Variants in GFM1 observed in about 807,000 individuals in gnomAD.
The protein encoded by GFM1 is elongation factor G, mitochondrial.
In GFM1, 62 loss-of-function variants were observed where a neutral mutation model predicts 96.2. That is an observed-to-expected ratio of 0.64 (90% confidence interval 0.53 to 0.80). The LOEUF is 0.80. Among genes scored for constraint, GFM1 ranks in the 30% least tolerant of loss-of-function variants. The probability of loss-of-function intolerance (pLI) is 0.00; values close to 1 mark genes in which losing one functional copy is unlikely to be tolerated. For missense variants in GFM1, 852 were observed against 916.6 expected (o/e 0.93, Z 0.91); for synonymous variants, 282 against 312.9 (o/e 0.90, Z 1.04).
At chr3:158,644,903 T>G in intron 1 of GFM1, 188 bp downstream of exon 1, 1 of 624,552 alleles carries the variant, frequency 1.6e-6, no homozygotes, top group South Asian at 1.9e-5. Flanking sequence ...TGTTTCGCTC[T>G]CTGGTATCCC....
intron 11 of GFM1, among the ~76,000 whole-genome samples, chr3:158,664,390 T>TA (rs1723444782): frequency 6.6e-6 from 1 of 152,238 alleles, no homozygotes; most frequent in Non-Finnish European, 1.5e-5. Context: ...CTCTCCTTCT[T>TA]ACTCAGGTTA....
rs1391874523 is a variant in GFM1, at chr3:158,646,254, C to T, written c.324C>T (p.Tyr108=). The change falls in exon 3 of 18, where the codon TAC becomes TAT. Residue 108 remains tyrosine (Y), a synonymous_variant. Coordinates refer to ENST00000486715, the MANE Select transcript of GFM1 (RefSeq NM_024996.7). ...TCACTATTCAGTCAGCAGCCACTTA[C>T]ACCATGTGGAAAGATGTCAATATTA... is the stretch of plus-strand genomic sequence containing the variant. The part of the protein sequence containing the change: ...RGITIQSAAT[Y]TMWKDVNINI... 1 of 1,613,838 alleles carries T rather than the reference C, an allele frequency of 6.2e-7. No homozygotes were observed. The highest frequency in any genetic ancestry group is 8.5e-7 in the Non-Finnish European group (1 of 1,179,694).
intron 13 of GFM1, among the ~76,000 whole-genome samples, chr3:158,678,049 A>G (rs1725050717): frequency 6.6e-6 from 1 of 152,342 alleles, no homozygotes; most frequent in South Asian, 2.1e-4. Flanking sequence ...TGCAAATGGA[A>G]TAACAAAGCC....
chr3:158,672,913 T>C (rs1413456133), intron 13 of GFM1, among the ~76,000 whole-genome samples: 1 of 152,142 alleles, frequency 6.6e-6, no homozygotes, highest in African/African-American at 2.4e-5. Flanking sequence ...AAGACTCTAG[T>C]TTCCTGTCCA....
rs114570823 is a variant in GFM1 at position 158,694,594 on chromosome 3, C to T, written c.*3127C>T. Among the ~76,000 whole-genome samples, 862 of 152,286 alleles carry T rather than the reference C, an allele frequency of 5.7e-3. 14 individuals carry two copies. Among genetic ancestry groups the T allele is most frequent in the African/African-American group, 0.02 (828 of 41,562 alleles). On this transcript the variant is annotated 3_prime_UTR_variant, in exon 18 of 18. Coordinates refer to ENST00000486715, the MANE Select transcript of GFM1 (RefSeq NM_024996.7). ...CCCTGAACTTAAAGAGATGGGGTCT[C>T]GCTGTGTTTCCCAGGCTGCTCACAA...
Position 158,645,693 on chromosome 3 carries a change from T to C in GFM1, c.146T>C (p.Ile49Thr). 1.2e-6 allele frequency: 2 copies of C among 1,611,636 alleles called. No individual in the cohort carries two copies. Among genetic ancestry groups the C allele is most frequent in the Middle Eastern group, 1.7e-4 (1 of 6,058 alleles). The change falls in exon 2 of 18, where the codon ATT becomes ACT. Residue 49 changes from isoleucine to threonine, a missense_variant. Transcript: ENST00000486715. ...ATTCCTAATGAAAAAATACGAAATA[T>C]TGGAATCTCAGCTCACATTGATTCT... Reference protein sequence around the residue: ...GVIPNEKIRNIGISAHIDSGK... With the variant: ...GVIPNEKIRNTGISAHIDSGK...
At chr3:158,677,087 T>C (rs568178318) in intron 13 of GFM1, among the ~76,000 whole-genome samples, 1 of 152,344 alleles carries the variant, frequency 6.6e-6, no homozygotes, top group Admixed American at 6.5e-5. Context: ...ACTTTTTCAT[T>C]ATTATTATAT....
chr3:158,650,214 C>T (rs1192408706), intron 5 of GFM1: 7 of 695,650 alleles, frequency 1.0e-5, no homozygotes, highest in Non-Finnish European at 1.3e-5. Flanking sequence ...TTACCTACCA[C>T]TCCTTAGGAT....
intron 14 of GFM1, among the ~76,000 whole-genome samples, chr3:158,683,142 T>A (rs961651516): frequency 6.6e-6 from 1 of 152,208 alleles, no homozygotes; most frequent in Non-Finnish European, 1.5e-5. Flanking sequence ...GGTTATAATT[T>A]TGGTTTCAGT....
At chr3:158,662,595 A>T (rs773112217) in intron 10 of GFM1, 33 bp from the exon 11 acceptor site, 1 of 1,374,124 alleles carries the variant, frequency 7.3e-7, no homozygotes, top group Non-Finnish European at 1.0e-6. Flanking sequence ...TCTGTTTTTT[A>T]ATTCTTCTGT....
intron 10 of GFM1, 67 bp downstream of exon 10, chr3:158,661,042 A>G: frequency 5.5e-6 from 7 of 1,271,624 alleles, no homozygotes; most frequent in Non-Finnish European, 8.1e-6. Flanking sequence ...TATGTAGTGC[A>G]TTTAATACTT....
rs775613083 is a variant in GFM1 at position 158,645,616 on chromosome 3, G to A, written c.82-13G>A. ...AAAAGGTGCATAGAATTGAGCTCTC[G>A]TATTTTTTTCAGGTTAATTGGAAGG... is the stretch of plus-strand genomic sequence containing the variant. On this transcript the variant is annotated splice_polypyrimidine_tract_variant and intron_variant, in intron 1 of 17. Transcript: ENST00000486715. 1.4e-5 allele frequency: 22 copies of A among 1,607,048 alleles called. No homozygotes were observed. Among genetic ancestry groups the A allele is most frequent in the Non-Finnish European group, 1.9e-5 (22 of 1,173,770 alleles).
intron 13 of GFM1, among the ~76,000 whole-genome samples, chr3:158,676,624 G>T (rs1724915997): frequency 6.6e-6 from 1 of 151,662 alleles, no homozygotes; most frequent in African/African-American, 2.4e-5. Flanking sequence ...GTGTTTCACA[G>T]ATAGTATGTT....
chr3:158,681,851 A>G (rs1725407255), intron 13 of GFM1, 144 bp from the exon 14 acceptor site: 1 of 779,570 alleles, frequency 1.3e-6, no homozygotes, highest in Non-Finnish European at 2.1e-6. Context: ...TTTAAAATAA[A>G]TTCTACAATA....
chr3:158,687,743 C>A (rs1198457821), intron 15 of GFM1, among the ~76,000 whole-genome samples: 2 of 152,128 alleles, frequency 1.3e-5, no homozygotes, highest in Non-Finnish European at 2.9e-5. Flanking sequence ...GCTGAGATTA[C>A]AGGCGTGAGC....
chr3:158,668,952 A>G (rs1723987080), intron 13 of GFM1: 1 of 1,478,350 alleles, frequency 6.8e-7, no homozygotes, highest in South Asian at 1.2e-5. Flanking sequence ...TACTTTCGAT[A>G]AATATTAACC....
At chr3:158,649,372 T>C in intron 5 of GFM1, 1 of 418,838 alleles carries the variant, frequency 2.4e-6, no homozygotes, top group South Asian at 2.3e-5. Flanking sequence ...TTGGGTAATA[T>C]ACCCATATCA....
At chr3:158,645,990 T>C (rs1721752720) in intron 2 of GFM1, 175 bp from the exon 3 acceptor site, 1 of 880,920 alleles carries the variant, frequency 1.1e-6, no homozygotes, top group Non-Finnish European at 1.8e-6. Context: ...ACTTTGTTGC[T>C]CAGGCTGGTC....
In GFM1 at chr3:158,654,713, T is replaced by C. The variant is rs9884039; in HGVS notation, c.1083+82T>C. On this transcript the variant is annotated intron_variant, in intron 8 of 17. Coordinates refer to ENST00000486715, the MANE Select transcript of GFM1 (RefSeq NM_024996.7). Reference sequence around the variant, plus strand: ...CTTTATTCCTATTACAGAATGACTCTGACTTTTATGAAAGATTTGGAAAAT... The same window carrying C: ...CTTTATTCCTATTACAGAATGACTCCGACTTTTATGAAAGATTTGGAAAAT... 0.37 allele frequency: 338,036 copies of C among 921,996 alleles called. 65,373 individuals are homozygous for C. The highest frequency in any genetic ancestry group is 0.6 in the African/African-American group (36,948 of 61,396). 57.1% of individuals were successfully genotyped at this position (921,996 alleles called of 1,614,324 possible).
Sources: allele counts gnomAD v4.1 joint callset (sites outside exome capture counted in the v4.1 genomes callset), GRCh38; gene constraint gnomAD v4.1.1; transcripts MANE v1.5; gene names NCBI Gene and HGNC (gene_info 2026-07-23, HGNC 2026-07-21).